ANKIB1: variants seen among roughly 807,000 people sequenced by gnomAD.
ANKIB1 encodes the protein ankyrin repeat and IBR domain containing 1, also known as ankyrin repeat and IBR domain-containing protein 1.
Under a neutral mutation model 122.1 loss-of-function variants are expected in ANKIB1, and 43 were observed. The observed-to-expected ratio is 0.35, with a 90% confidence interval of 0.28 to 0.45. ANKIB1 has a LOEUF of 0.45. ANKIB1 is among the 20% of genes least tolerant of loss of function. The pLI is 1.00. For synonymous variants in ANKIB1, 390 were observed against 442.0 expected (o/e 0.88, Z 1.48); for missense variants, 992 against 1,329.5 (o/e 0.75, Z 3.95).
At chr7:92,273,696 A>T (rs762823903) in intron 1 of ANKIB1, among the ~76,000 whole-genome samples, 60 of 152,124 alleles carry the variant, frequency 3.9e-4, no homozygotes, top group Non-Finnish European at 7.1e-4. Context: ...AAGGGAGTGG[A>T]GGTTTGTAGC....
intron 3 of ANKIB1, among the ~76,000 whole-genome samples, chr7:92,308,592 G>A (rs949903635): frequency 1.3e-5 from 2 of 151,898 alleles, no homozygotes; most frequent in African/African-American, 2.4e-5. Context: ...GTATTATACT[G>A]TAATTTTTCC....
intron 5 of ANKIB1, among the ~76,000 whole-genome samples, chr7:92,335,684 C>T (rs1272337044): frequency 6.6e-6 from 1 of 151,626 alleles, no homozygotes; most frequent in Non-Finnish European, 1.5e-5. Context: ...CTTTTTTATG[C>T]TATTTGAATA....
At chr7:92,308,975 A>C (rs1802629168) in intron 3 of ANKIB1, among the ~76,000 whole-genome samples, 1 of 152,210 alleles carries the variant, frequency 6.6e-6, no homozygotes, top group African/African-American at 2.4e-5. Flanking sequence ...TGTATACTTT[A>C]GACTTCTAAG....
intron 6 of ANKIB1, among the ~76,000 whole-genome samples, 159 bp from the exon 7 acceptor site, chr7:92,344,819 A>T (rs1431697777): frequency 6.6e-6 from 1 of 152,198 alleles, no homozygotes; most frequent in Non-Finnish European, 1.5e-5. Context: ...TTTGTTACTG[A>T]AAGGCACACT....
intron 4 of ANKIB1, among the ~76,000 whole-genome samples, chr7:92,327,291 A>C (rs1803048696): frequency 6.6e-6 from 1 of 152,224 alleles, no homozygotes; most frequent in Admixed American, 6.5e-5. Flanking sequence ...AGTCCATGAT[A>C]GTGGAGCATT....
At chr7:92,258,465 A>C (rs1003037137) in intron 1 of ANKIB1, among the ~76,000 whole-genome samples, 9 of 152,144 alleles carry the variant, frequency 5.9e-5, no homozygotes, top group African/African-American at 1.9e-4. Flanking sequence ...GTGGGATCTG[A>C]GAGTGTTCAT....
At chr7:92,248,127 TG>T (rs988257706) in intron 1 of ANKIB1, among the ~76,000 whole-genome samples, 43 of 152,198 alleles carry the variant, frequency 2.8e-4, no homozygotes, top group African/African-American at 9.9e-4. Flanking sequence ...AGTGAGGTGA[TG>T]GGCGCTATCT....
chr7:92,291,576 T>TC (rs1802250918), intron 1 of ANKIB1, among the ~76,000 whole-genome samples: 1 of 147,144 alleles, frequency 6.8e-6, no homozygotes, highest in African/African-American at 2.5e-5. Flanking sequence ...TCTTTTTTTT[T>TC]TTTTTTTTTT....
chr7:92,275,916 ATATC>A (rs1246329667), intron 1 of ANKIB1, among the ~76,000 whole-genome samples: 3 of 152,184 alleles, frequency 2.0e-5, no homozygotes, highest in Non-Finnish European at 4.4e-5. Context: ...TCCTAGGATA[ATATC>A]TATTAATTTT....
chr7:92,350,939 C>G lies in ANKIB1; in HGVS notation c.1086-11C>G. 6.3e-7 allele frequency: 1 copy of G among 1,594,808 alleles called. No homozygotes were observed. Among genetic ancestry groups the G allele is most frequent in the Non-Finnish European group, 8.5e-7 (1 of 1,172,502 alleles). On this transcript the variant is annotated splice_polypyrimidine_tract_variant and intron_variant, in intron 7 of 19. Coordinates refer to ENST00000265742, the MANE Select transcript of ANKIB1 (RefSeq NM_019004.2). ...CTTGCTCGTTTGATGTGCATTGATCCATTTTAATAGGTTTTTGAATCTGAA... is the reference window on the plus strand; with the variant it reads ...CTTGCTCGTTTGATGTGCATTGATCGATTTTAATAGGTTTTTGAATCTGAA...
intron 2 of ANKIB1, among the ~76,000 whole-genome samples, chr7:92,301,611 A>G (rs1389380663): frequency 6.6e-6 from 1 of 152,030 alleles, no homozygotes; most frequent in Non-Finnish European, 1.5e-5. Flanking sequence ...ATGGTTTGCA[A>G]ATGTATTTTC....
In ANKIB1 at chr7:92,396,407, C is replaced by T. The variant is rs752059649; in HGVS notation, c.2326C>T (p.Arg776Cys). 3 of 1,598,110 alleles carry T rather than the reference C, an allele frequency of 1.9e-6. No individual in the cohort carries two copies. Among genetic ancestry groups the T allele is most frequent in the Non-Finnish European group, 2.6e-6 (3 of 1,171,778 alleles). Residue 776 changes from arginine to cysteine, a missense_variant, in exon 18 of 20, where the codon CGT becomes TGT. Coordinates refer to ENST00000265742, the MANE Select transcript of ANKIB1 (RefSeq NM_019004.2). ...FQYRRRHRQR[R>C]RGDVHSLLSN... ...GTATCGGAGGAGGCACAGACAACGT[C>T]GTCGAGGAGATGTTCACAGTCTACT...
At chr7:92,383,304 C>G (rs1370123926) in intron 11 of ANKIB1, among the ~76,000 whole-genome samples, 1 of 152,136 alleles carries the variant, frequency 6.6e-6, no homozygotes, top group Non-Finnish European at 1.5e-5. Flanking sequence ...CCAAATTGTA[C>G]CAGAGCTGCC....
chr7:92,304,714 G>C (rs942464506), intron 2 of ANKIB1, among the ~76,000 whole-genome samples: 1 of 152,020 alleles, frequency 6.6e-6, no homozygotes, highest in Non-Finnish European at 1.5e-5. Flanking sequence ...TAATAATCTT[G>C]AATACATTTT....
intron 1 of ANKIB1, among the ~76,000 whole-genome samples, chr7:92,291,650 C>T (rs572302559): frequency 1.5e-4 from 22 of 148,284 alleles, no homozygotes; most frequent in Non-Finnish European, 3.3e-4. Flanking sequence ...GATCTCAGCT[C>T]GCTGCAAGCT....
chr7:92,253,471 A>G (rs1368015698), intron 1 of ANKIB1, among the ~76,000 whole-genome samples: 1 of 152,158 alleles, frequency 6.6e-6, no homozygotes, highest in Non-Finnish European at 1.5e-5. Context: ...CCTCTAGGCT[A>G]ATTAGCCTGC....
intron 1 of ANKIB1, among the ~76,000 whole-genome samples, chr7:92,291,801 G>T (rs562470714): frequency 6.6e-6 from 1 of 151,892 alleles, no homozygotes; most frequent in Non-Finnish European, 1.5e-5. Context: ...GGTCTTGAAC[G>T]CCTGACCTCA....
chr7:92,392,358 C>A, intron 17 of ANKIB1, 66 bp downstream of exon 17: 1 of 1,367,364 alleles, frequency 7.3e-7, no homozygotes. Flanking sequence ...GCATTTGCAT[C>A]CTTATCTATT....
At chr7:92,324,531 G>A (rs1802983203) in intron 4 of ANKIB1, among the ~76,000 whole-genome samples, 1 of 152,158 alleles carries the variant, frequency 6.6e-6, no homozygotes, top group Admixed American at 6.5e-5. Context: ...ACCATGCCTG[G>A]CCCCCTTGAA....
Sources: allele counts gnomAD v4.1 joint callset (sites outside exome capture counted in the v4.1 genomes callset), GRCh38; gene constraint gnomAD v4.1.1; transcripts MANE v1.5; gene names NCBI Gene and HGNC (gene_info 2026-07-23, HGNC 2026-07-21).